The following CDH16 variants were observed in gnomAD, a reference collection of about 807,000 sequenced individuals.
CDH16 encodes cadherin-16.
Under a neutral mutation model 87.6 loss-of-function variants are expected in CDH16, and 79 were observed. That is an observed-to-expected ratio of 0.90 (90% CI 0.75 to 1.09). The LOEUF is 1.09. CDH16 is among the 50% of genes least tolerant of loss of function. The pLI, the probability that CDH16 is intolerant of heterozygous loss-of-function variation, is 0.00. For synonymous variants in CDH16, 457 were observed against 439.5 expected (o/e 1.04, Z -0.50); for missense variants, 1,124 against 1,071.7 (o/e 1.05, Z -0.68).
chr16:66,915,927 G>GAGAAA (rs1962658872), intron 5 of CDH16, 138 bp downstream of exon 5: 4 of 1,028,786 alleles, frequency 3.9e-6, no homozygotes, highest in Admixed American at 5.6e-5. Flanking sequence ...AAAGAAAAAA[G>GAGAAA]AGAAAAGAAA....
chr16:66,912,041 T>G lies in CDH16; in HGVS notation c.1648A>C (p.Thr550Pro). 4 of 1,614,122 alleles carry G rather than the reference T, an allele frequency of 2.5e-6. No individual in the cohort carries two copies. Among genetic ancestry groups the G allele is most frequent in the Non-Finnish European group, 3.4e-6 (4 of 1,180,020 alleles). ...ACTCTCTCCACTAGCACAGTCACCGTGGCGGTGGCTCCAGGGCCTGGGCCT... is the reference window on the plus strand; with the variant it reads ...ACTCTCTCCACTAGCACAGTCACCGGGGCGGTGGCTCCAGGGCCTGGGCCT... ...GPGPGPGATA[T>P]VTVLVERVMP... Residue 550 changes from threonine to proline, a missense_variant, in exon 13 of 18, where the codon ACG becomes CCG. By Grantham distance (38) the Thr-to-Pro change is conservative. Coordinates refer to ENST00000299752, the MANE Select transcript of CDH16 (RefSeq NM_004062.4).
intron 6 of CDH16, 82 bp downstream of exon 6, chr16:66,915,138 C>G: frequency 7.4e-7 from 1 of 1,354,118 alleles, no homozygotes. Context: ...AAGCTCCCAC[C>G]CATGCTTGTC....
Position 66,913,510 on chromosome 16 carries a change from T to A in CDH16, c.884A>T (p.Asp295Val). The A allele has an allele frequency of 1.9e-6, 3 of 1,614,132 alleles. No individual in the cohort carries two copies. The highest frequency in any genetic ancestry group is 2.5e-6 in the Non-Finnish European group (3 of 1,180,002). ...EGNLYVTRELDREAQAEYLLQ... is the reference protein window; with the variant it reads ...EGNLYVTRELVREAQAEYLLQ... ...TATCACCTCAGCCTGGGCTTCTCTGTCCAGCTCTCTGGTCACGTAGAGGTT... is the reference window on the plus strand; with the variant it reads ...TATCACCTCAGCCTGGGCTTCTCTGACCAGCTCTCTGGTCACGTAGAGGTT... Residue 295 changes from aspartate to valine, a missense_variant, in exon 8 of 18, where the codon GAC becomes GTC. Physicochemically the swap from Asp to Val is radical, Grantham distance 152 (BLOSUM62 -3). Transcript: ENST00000299752.
chr16:66,910,897 A>G, intron 14 of CDH16: 2 of 426,150 alleles, frequency 4.7e-6, no homozygotes. Context: ...CCAGTCCCTG[A>G]AGCTGACACC....
Position 66,912,270 on chromosome 16 carries a change from G to A in CDH16, c.1520C>T (p.Ser507Phe), listed in dbSNP as rs758985801. 2 of 1,612,692 alleles carry A rather than the reference G, an allele frequency of 1.2e-6. No homozygotes were observed. Among genetic ancestry groups the A allele is most frequent in the Non-Finnish European group, 1.7e-6 (2 of 1,179,144 alleles). The change falls in exon 12 of 18, where the codon TCT becomes TTT. Residue 507 changes from serine (S) to phenylalanine (F), a missense_variant. Physicochemically the swap from Ser to Phe is radical, Grantham distance 155. Transcript: ENST00000299752. ...GTFGLDWEPDSGHVRLRLCKN... is the reference protein window; with the variant it reads ...GTFGLDWEPDFGHVRLRLCKN... ...GCAGAGTCTGAGTCTAACATGCCCAGAGTCTGGCTCCCAATCCAGGCCAAA... is the reference window on the plus strand; with the variant it reads ...GCAGAGTCTGAGTCTAACATGCCCAAAGTCTGGCTCCCAATCCAGGCCAAA...
Position 66,914,378 on chromosome 16 carries a change from G to T in CDH16, c.618C>A (p.Thr206=). 4 of 1,614,172 alleles carry T rather than the reference G, an allele frequency of 2.5e-6. No individual in the cohort carries two copies. Among genetic ancestry groups the T allele is most frequent in the Non-Finnish European group, 2.5e-6 (3 of 1,180,010 alleles). Residue 206 remains threonine, a synonymous_variant, in exon 7 of 18, where the codon ACC becomes ACA. Coordinates refer to ENST00000299752, the MANE Select transcript of CDH16 (RefSeq NM_004062.4). ...CCTTGACCTGTACCAACAGCTGGTA[G>T]GTCCTCTCCAGGGCGTGGTCAAGGC... ...STSLDHALER[T]YQLLVQVKDM... is the part of the protein sequence containing the mutation.
rs796916197 is a variant in CDH16 at position 66,912,710 on chromosome 16, G to A, written c.1236C>T (p.Asn412=). The change falls in exon 10 of 18, where the codon AAC becomes AAT. Residue 412 remains asparagine (N), a synonymous_variant. Coordinates refer to ENST00000299752, the MANE Select transcript of CDH16 (RefSeq NM_004062.4). ...CCATGGCCAGCACCAGAAGCAGGAT[G>A]TTCTGGCCTGCTCGGAGTGGGAGCA... is the stretch of plus-strand genomic sequence containing the variant. ...LGVLPLRAGQ[N]ILLLVLAMDL... is the part of the protein sequence containing the mutation. The A allele has an allele frequency of 3.7e-6, 6 of 1,613,896 alleles. No individual in the cohort carries two copies. In the African/African-American group the frequency reaches 6.7e-5, roughly 18 times the overall value.
intron 1 of CDH16, 150 bp from the exon 2 acceptor site, chr16:66,918,228 C>T (rs1962774554): frequency 1.8e-6 from 1 of 542,890 alleles, no homozygotes; most frequent in Non-Finnish European, 3.1e-6. Context: ...CAGGGTAGTG[C>T]CCTGCTCCTC....
In CDH16 at chr16:66,915,271, C is replaced by G; in HGVS notation, c.532G>C (p.Asp178His). 1 of 1,613,906 alleles carries G rather than the reference C, an allele frequency of 6.2e-7. No homozygotes were observed. Among genetic ancestry groups the G allele is most frequent in the African/African-American group, 1.3e-5 (1 of 75,040 alleles). The change falls in exon 6 of 18, where the codon GAC (aspartate) becomes CAC (histidine). Residue 178 changes from aspartate to histidine, a missense_variant. Physicochemically the swap from Asp to His is moderately conservative, Grantham distance 81. Coordinates refer to ENST00000299752, the MANE Select transcript of CDH16 (RefSeq NM_004062.4). ...LSQAPAQPSP[D>H]MFQLEPRLGA... is the part of the protein sequence containing the mutation. ...AGCCGAGGCTCCAGCTGGAACATGT[C>G]TGGGGAAGGCTGGGCTGGAGCCTGG...
Position 66,913,191 on chromosome 16 carries a change from T to C in CDH16, c.994A>G (p.Asn332Asp). The C allele has an allele frequency of 6.2e-7, 1 of 1,605,878 alleles. No homozygotes were observed. The highest frequency in any genetic ancestry group is 8.5e-7 in the Non-Finnish European group (1 of 1,176,124). Residue 332 changes from asparagine to aspartate, a missense_variant, in exon 9 of 18, where the codon AAC (asparagine) becomes GAC (aspartate). Coordinates refer to ENST00000299752, the MANE Select transcript of CDH16 (RefSeq NM_004062.4). Reference sequence around the variant, plus strand: ...TCACGGGGAGGGCAGATAGGCACGTTGTCATTCTCATCCATCACCAGCACG... The same window carrying C: ...TCACGGGGAGGGCAGATAGGCACGTCGTCATTCTCATCCATCACCAGCACG... ...LHVLVMDEND[N>D]VPICPPRDPT...
In CDH16 at chr16:66,916,277, T is replaced by C. The variant is rs768007140; in HGVS notation, c.282A>G (p.Leu94=). 3.1e-6 allele frequency: 5 copies of C among 1,613,536 alleles called. No homozygotes were observed. Among genetic ancestry groups the C allele is most frequent in the African/African-American group, 1.3e-5 (1 of 74,944 alleles). The change falls in exon 4 of 18, where the codon CTA becomes CTG. Residue 94 remains leucine, a synonymous_variant. Transcript: ENST00000299752. The surrounding 1 kb of genome is among the most constrained non-coding windows in gnomAD (Gnocchi z 4.1). The part of the protein sequence containing the change: ...LDREEQAEYQ[L]QVTLEMQDGH... ...CCTACACCTGGCCCAGCCATACCTG[T>C]AGCTGGTACTCTGCCTGCTCCTCTC...
intron 17 of CDH16, 46 bp from the exon 18 acceptor site, chr16:66,908,535 G>T: frequency 1.4e-6 from 2 of 1,451,984 alleles, no homozygotes; most frequent in Non-Finnish European, 1.9e-6. Flanking sequence ...AGGGGCTGTG[G>T]GACTTGTTCA....
Position 66,912,777 on chromosome 16 carries a change from G to T in CDH16, c.1169C>A (p.Ala390Asp), listed in dbSNP as rs983700327. The change falls in exon 10 of 18, where the codon GCC (alanine) becomes GAC (aspartate). Residue 390 changes from alanine (A) to aspartate (D), a missense_variant. By Grantham distance (126) the Ala-to-Asp change is moderately radical (BLOSUM62 -2). Coordinates refer to ENST00000299752, the MANE Select transcript of CDH16 (RefSeq NM_004062.4). ...GCCTGAAGTGGGGTCCACCTGGAAGGCTCTCCCCTCTACCCCATCCTCAGG... is the reference window on the plus strand; with the variant it reads ...GCCTGAAGTGGGGTCCACCTGGAAGTCTCTCCCCTCTACCCCATCCTCAGG... Reference protein sequence around the residue: ...PEPEDGVEGRAFQVDPTSGSV... With the variant: ...PEPEDGVEGRDFQVDPTSGSV... 4 of 1,613,514 alleles carry T rather than the reference G, an allele frequency of 2.5e-6. No homozygotes were observed. Among genetic ancestry groups the T allele is most frequent in the East Asian group, 2.2e-5 (1 of 44,872 alleles).
At position 66,914,119 on chromosome 16, in the gene CDH16, A is replaced by T. The variant is rs533889133; in HGVS notation, c.780+97T>A. On this transcript the variant is annotated intron_variant, in intron 7 of 17. Transcript: ENST00000299752. ...AAGAGTGGAGGGAGGAGCACGGGTC[A>T]TGAGGGTTCCAGACCCAGCCCCCAA... 840 of 1,043,714 alleles carry T rather than the reference A, an allele frequency of 8.0e-4. 20 individuals are homozygous for T. Among genetic ancestry groups the T allele is most frequent in the Middle Eastern group, 2.1e-4 (1 of 4,656 alleles). The allele number at this position is 1,043,714 out of a possible 1,614,324, so 64.7% of individuals were successfully genotyped here.
At chr16:66,911,688 C>G (rs1174994677) in intron 13 of CDH16, among the ~76,000 whole-genome samples, 5 of 152,348 alleles carry the variant, frequency 3.3e-5, no homozygotes, top group Admixed American at 3.3e-4. Context: ...GAGGCATAAT[C>G]TGAGCTCTCA....
chr16:66,918,614 G>T (rs1567538518), intron 1 of CDH16, among the ~76,000 whole-genome samples, 190 bp downstream of exon 1: 1 of 152,176 alleles, frequency 6.6e-6, no homozygotes, highest in Non-Finnish European at 1.5e-5. Flanking sequence ...CAGGAGCCCG[G>T]CCCTTGTCTC....
rs1455796530 is a variant in CDH16, at chr16:66,911,241, G to A, written c.1865C>T (p.Ser622Phe). The A allele has an allele frequency of 6.2e-7, 1 of 1,613,428 alleles. No individual in the cohort carries two copies. Among genetic ancestry groups the A allele is most frequent in the Non-Finnish European group, 8.5e-7 (1 of 1,179,760 alleles). The change falls in exon 14 of 18, where the codon TCC (serine) becomes TTC (phenylalanine). Residue 622 changes from serine to phenylalanine, a missense_variant. Ser to Phe is a radical substitution (Grantham distance 155). Transcript: ENST00000299752. ...GTCCCCAGGCTGGGCGCCCTGCAGGGACTGGGCGGTGTGCACCTCCCCGGA... is the reference window on the plus strand; with the variant it reads ...GTCCCCAGGCTGGGCGCCCTGCAGGAACTGGGCGGTGTGCACCTCCCCGGA... ...KFSGEVHTAQ[S>F]LQGAQPGDTY... is the part of the protein sequence containing the mutation.
chr16:66,914,446 G>A (rs1257443795), intron 6 of CDH16, 34 bp from the exon 7 acceptor site: 3 of 1,555,264 alleles, frequency 1.9e-6, no homozygotes, highest in Non-Finnish European at 2.7e-6. Flanking sequence ...TGAGCAGGCA[G>A]CCAGGGAGCA....
Position 66,912,078 on chromosome 16 carries a change from C to G in CDH16, c.1611G>C (p.Lys537Asn). ...EVVVVVQSVA[K>N]LVGPGPGPGA... ...CAGGGCCTGGGCCTGGCCCCACCAG[C>G]TTCGCCACACTCTGCACCACCACCA... Residue 537 changes from lysine (K) to asparagine (N), a missense_variant, in exon 13 of 18, where the codon AAG becomes AAC. Physicochemically the swap from Lys to Asn is moderately conservative, Grantham distance 94. Coordinates refer to ENST00000299752, the MANE Select transcript of CDH16 (RefSeq NM_004062.4). The G allele has an allele frequency of 6.2e-7, 1 of 1,614,034 alleles. No individual in the cohort carries two copies. Among genetic ancestry groups the G allele is most frequent in the Non-Finnish European group, 8.5e-7 (1 of 1,179,988 alleles).
Sources: gnomAD v4.1 joint callset for allele counts (sites outside exome capture counted in the v4.1 genomes callset) on GRCh38, gnomAD v4.1.1 for gene constraint, Gnocchi (gnomAD v3.1) non-coding constraint, MANE v1.5 for transcripts, NCBI Gene and HGNC (gene_info 2026-07-23, HGNC 2026-07-21) for gene names.